Variants in ATP11C observed in about 807,000 individuals in gnomAD.
ATP11C encodes ATPase phospholipid transporting 11C (ATP11C blood group), also known as phospholipid-transporting ATPase IG.
A neutral mutation model predicts 97.4 loss-of-function variants in ATP11C; 36 were observed. The ratio of observed to expected loss-of-function variants is 0.37; its 90% CI spans 0.28 to 0.49. The LOEUF (loss-of-function observed/expected upper bound fraction) is 0.49, where lower values mean the gene tolerates loss of function less well. Ranked by LOEUF, ATP11C falls within the 20% of genes least tolerant of loss-of-function variation. The pLI is 0.98. For missense variants in ATP11C, 730 were observed against 824.6 expected (o/e 0.89, Z 1.40); for synonymous variants, 275 against 290.9 (o/e 0.95, Z 0.56).
At chrX:139,853,643 C>A (rs2084040050) in intron 1 of ATP11C, among the ~76,000 whole-genome samples, 1 of 109,800 alleles carries the variant, frequency 9.1e-6, no homozygotes, top group Non-Finnish European at 1.9e-5. Flanking sequence ...GGACGTAGCC[C>A]GAAAGCACTG....
chrX:139,851,707 G>A (rs1603401170), intron 1 of ATP11C, among the ~76,000 whole-genome samples: 1 of 111,814 alleles, frequency 8.9e-6, no homozygotes, highest in East Asian at 2.8e-4. Flanking sequence ...GGCCTTGGGG[G>A]CCAAATCTCT....
Position 139,804,466 on chromosome X carries a change from G to A in ATP11C, c.555+5C>T, listed in dbSNP as rs1271257241. ...AAAATGTTTAGGCAAGGTTTAGTCT[G>A]TTACCTTGCAATTGGATTCCCCATC... On this transcript the variant is annotated splice_donor_5th_base_variant and intron_variant, in intron 6 of 29. Transcript: ENST00000682941. 1 of 1,200,666 alleles carries A rather than the reference G, an allele frequency of 8.3e-7. No homozygotes were observed. Among genetic ancestry groups the A allele is most frequent in the Non-Finnish European group, 1.1e-6 (1 of 889,556 alleles).
chrX:139,827,863 T>C (rs1032792545), intron 1 of ATP11C, among the ~76,000 whole-genome samples: 1 of 112,012 alleles, frequency 8.9e-6, no homozygotes, highest in African/African-American at 3.2e-5. Flanking sequence ...CTTCCAATTA[T>C]CTACAATGTC....
chrX:139,830,480 A>G (rs1041452726), intron 1 of ATP11C, among the ~76,000 whole-genome samples: 1 of 111,969 alleles, frequency 8.9e-6, no homozygotes, highest in Non-Finnish European at 1.9e-5. Context: ...TTCCCCTTCG[A>G]CAATTTATTT....
chrX:139,931,974 C>A, intron 1 of ATP11C, 42 bp downstream of exon 1: 1 of 1,149,052 alleles, frequency 8.7e-7, no homozygotes, highest in Non-Finnish European at 1.2e-6. Context: ...GGCTGGCGAG[C>A]AAGCAAACCG....
intron 12 of ATP11C, 29 bp downstream of exon 12, chrX:139,796,244 A>G: frequency 1.9e-6 from 2 of 1,067,630 alleles, no homozygotes; most frequent in Non-Finnish European, 2.5e-6. Flanking sequence ...TACGTTGACA[A>G]ATTATTTTAA....
At chrX:139,880,814 A>C (rs1603410528) in intron 1 of ATP11C, among the ~76,000 whole-genome samples, 1 of 112,112 alleles carries the variant, frequency 8.9e-6, no homozygotes, top group South Asian at 3.7e-4. Context: ...ATGGTAAATA[A>C]GACAGACAAG....
chrX:139,846,334 G>A (rs969051019), intron 1 of ATP11C, among the ~76,000 whole-genome samples: 1 of 111,830 alleles, frequency 8.9e-6, no homozygotes, highest in African/African-American at 3.2e-5. Flanking sequence ...ATAAATCTCA[G>A]TAAGGACCAC....
rs1296631808 is a variant in ATP11C at position 139,819,377 on chromosome X, T to C, written c.198A>G (p.Arg66=). The change falls in exon 3 of 30, where the codon AGA becomes AGG. Residue 66 remains arginine, a synonymous_variant. Transcript: ENST00000682941. ...LPKNLFEQFR[R]IANFYFLIIF... is the part of the protein sequence containing the mutation. ...TTATGAGAAAATAAAAATTTGCAAT[T>C]CTTCTAAACTGTTCAAACAGATTCT... 3 of 1,148,790 alleles carry C rather than the reference T, an allele frequency of 2.6e-6. No individual in the cohort carries two copies. The highest frequency in any genetic ancestry group is 6.1e-5 in the East Asian group (2 of 32,677). 94.7% of individuals were successfully genotyped at this position (1,148,790 alleles called of 1,213,427 possible). A position where few individuals can be genotyped will look rare whatever the true frequency, so the allele number is the denominator to read the frequency against.
At position 139,856,123 on chromosome X, in the gene ATP11C, C is replaced by T. The variant is rs112245784; in HGVS notation, c.28-29300G>A. Reference sequence around the variant, plus strand: ...TAACAAAGCAATTGTTATTCTTGTGCGCACGGCAGGCCAGAGGCCCAGATT... The same window carrying T: ...TAACAAAGCAATTGTTATTCTTGTGTGCACGGCAGGCCAGAGGCCCAGATT... On this transcript the variant is annotated intron_variant, in intron 1 of 29. Coordinates refer to ENST00000682941, the MANE Select transcript of ATP11C (RefSeq NM_001353812.2). Among the ~76,000 whole-genome samples the T allele has an allele frequency of 3.1e-3, 352 of 112,793 alleles. 2 individuals carry two copies. Among genetic ancestry groups the T allele is most frequent in the African/African-American group, 8.8e-3 (273 of 31,056 alleles).
At chrX:139,742,871 AAAAAAATATATATATAT>A (rs1433420548) in intron 26 of ATP11C, among the ~76,000 whole-genome samples, 30 of 22,373 alleles carry the variant, frequency 1.3e-3, no homozygotes, top group South Asian at 4.0e-3. Flanking sequence ...AATTAAAAAA[AAAAAAATATATATATAT>A]ATATATATAT....
chrX:139,841,794 A>G (rs1337269154), intron 1 of ATP11C, among the ~76,000 whole-genome samples: 1 of 112,371 alleles, frequency 8.9e-6, no homozygotes, highest in Non-Finnish European at 1.9e-5. Flanking sequence ...TTATACATAC[A>G]TACACATATA....
chrX:139,761,826 G>A (rs2082043962), intron 22 of ATP11C, 135 bp downstream of exon 22: 1 of 439,263 alleles, frequency 2.3e-6, no homozygotes, highest in Admixed American at 5.1e-5. Flanking sequence ...GACCACCTCT[G>A]CTTTGTTGAC....
chrX:139,844,452 G>A (rs757939669), intron 1 of ATP11C, among the ~76,000 whole-genome samples: 1 of 110,444 alleles, frequency 9.1e-6, no homozygotes, highest in Admixed American at 9.6e-5. Flanking sequence ...CTGGTGCCGA[G>A]TAAGAAGAAA....
intron 25 of ATP11C, 128 bp downstream of exon 25, chrX:139,745,594 A>T: frequency 1.5e-6 from 1 of 656,790 alleles, no homozygotes; most frequent in Non-Finnish European, 2.2e-6. Context: ...AGAACTAACT[A>T]CTGTATCTTC....
chrX:139,789,530 G>C lies in ATP11C; in HGVS notation c.1207-42C>G, dbSNP rs759196351. On this transcript the variant is annotated intron_variant, in intron 12 of 29. Coordinates refer to ENST00000682941, the MANE Select transcript of ATP11C (RefSeq NM_001353812.2). ...AACATATATTGTTAGTTTCTTCAGT[G>C]TGACTAATTTTTAGTTTGCTGTAAC... 12 of 1,069,187 alleles carry C rather than the reference G, an allele frequency of 1.1e-5. No individual in the cohort carries two copies. The Middle Eastern group carries it at 2.1e-3, about 188-fold the overall frequency. The allele number at this position is 1,069,187 out of a possible 1,213,427, so 88.1% of individuals were successfully genotyped here.
chrX:139,773,798 T>C (rs1413689620), intron 19 of ATP11C, among the ~76,000 whole-genome samples: 1 of 112,260 alleles, frequency 8.9e-6, no homozygotes, highest in Non-Finnish European at 1.9e-5. Context: ...GTTATAAGCA[T>C]GGGATCTGGA....
At position 139,783,175 on chromosome X, in the gene ATP11C, G is replaced by A. The variant is rs1255257978; in HGVS notation, c.1759C>T (p.Arg587Cys). Residue 587 changes from arginine (R) to cysteine (C), a missense_variant, in exon 17 of 30, where the codon CGT becomes TGT. Transcript: ENST00000682941. ...EIELTKVHVERNAMDGYRTLC... is the reference protein window; with the variant it reads ...EIELTKVHVECNAMDGYRTLC... ...GAGTATAGGCTCACCATTGCATTAC[G>A]TTCCACATGGACTTTAGTTAACTCA... The A allele has an allele frequency of 4.2e-6, 5 of 1,199,053 alleles. No individual in the cohort carries two copies. The highest frequency in any genetic ancestry group is 3.6e-5 in the South Asian group (2 of 55,956).
intron 5 of ATP11C, among the ~76,000 whole-genome samples, chrX:139,813,795 G>A (rs2083227240): frequency 9.0e-6 from 1 of 111,575 alleles, no homozygotes; most frequent in East Asian, 2.8e-4. Flanking sequence ...AAGATTTTTA[G>A]GGCAGTGAAA....
Sources: allele counts gnomAD v4.1 joint callset (sites outside exome capture counted in the v4.1 genomes callset), GRCh38; gene constraint gnomAD v4.1.1; transcripts MANE v1.5; gene names NCBI Gene and HGNC (gene_info 2026-07-23, HGNC 2026-07-21).